The following BCHE variants were observed in gnomAD, a reference collection of about 807,000 sequenced individuals.
BCHE encodes the protein butyrylcholinesterase, also known as cholinesterase.
BCHE carries 48 observed loss-of-function variants against 51.3 expected under a neutral mutation model. That is an observed-to-expected ratio of 0.94 (90% CI 0.74 to 1.19). The LOEUF is 1.19. Ranked by LOEUF, BCHE falls within the 50% of genes most tolerant of loss-of-function variation. BCHE has a pLI of 0.00. For missense variants in BCHE, 847 were observed against 708.2 expected (o/e 1.20, Z -2.23); for synonymous variants, 251 against 238.0 (o/e 1.05, Z -0.50).
chr3:165,781,710 A>C lies in BCHE; in HGVS notation c.1684+4435T>G, dbSNP rs1451641797. 3.3e-5 allele frequency among the ~76,000 whole-genome samples: 5 copies of C among 152,216 alleles called. No individual in the cohort carries two copies. The East Asian group carries it at 7.7e-4, about 24-fold the overall frequency. On this transcript the variant is annotated intron_variant, in intron 3 of 3. Transcript: ENST00000264381. Reference sequence around the variant, plus strand: ...CGCCATGACACACGTATACCTATGTAACAAACCTGCACGTTCTACACATGT... The same window carrying C: ...CGCCATGACACACGTATACCTATGTCACAAACCTGCACGTTCTACACATGT...
At chr3:165,804,606 A>T (rs1025803889) in intron 2 of BCHE, among the ~76,000 whole-genome samples, 1 of 152,084 alleles carries the variant, frequency 6.6e-6, no homozygotes, top group African/African-American at 2.4e-5. Context: ...TGATTTTGCG[A>T]TCTGATTAAT....
intron 2 of BCHE, among the ~76,000 whole-genome samples, chr3:165,825,836 CA>C (rs1405528964): frequency 6.6e-6 from 1 of 151,968 alleles, no homozygotes; most frequent in Non-Finnish European, 1.5e-5. Flanking sequence ...TAAAAATTGG[CA>C]AAAGACTTAA....
chr3:165,786,224 T>A lies in BCHE; in HGVS notation c.1605A>T (p.Ser535=). Residue 535 remains serine, a synonymous_variant, in exon 3 of 4, where the codon TCA becomes TCT. Transcript: ENST00000264381. The stretch of plus-strand genomic sequence containing the variant: ...CACGTAGTTTCGTCATTATTCTTGT[T>A]GACTCTGTATTCAAGGTTAGATATT... ...EQKYLTLNTE[S]TRIMTKLRAQ... is the part of the protein sequence containing the mutation. 6.2e-7 allele frequency: 1 copy of A among 1,612,326 alleles called. No individual in the cohort carries two copies. Among genetic ancestry groups the A allele is most frequent in the Non-Finnish European group, 8.5e-7 (1 of 1,178,752 alleles).
At chr3:165,817,507 T>G (rs1191617624) in intron 2 of BCHE, among the ~76,000 whole-genome samples, 1 of 152,078 alleles carries the variant, frequency 6.6e-6, no homozygotes, top group East Asian at 1.9e-4. Flanking sequence ...TCACTTCCCC[T>G]TCACATACCT....
intron 2 of BCHE, among the ~76,000 whole-genome samples, chr3:165,789,031 A>G (rs1713068458): frequency 1.3e-5 from 2 of 152,104 alleles, no homozygotes; most frequent in Admixed American, 1.3e-4. Flanking sequence ...ATTCCAAAAC[A>G]CTACATATTT....
At chr3:165,794,178 C>T (rs536525210) in intron 2 of BCHE, among the ~76,000 whole-genome samples, 18 of 151,940 alleles carry the variant, frequency 1.2e-4, no homozygotes, top group African/African-American at 4.1e-4. Context: ...AATATTAATC[C>T]GTGAATGCAT....
intron 2 of BCHE, among the ~76,000 whole-genome samples, chr3:165,793,763 A>G (rs888815557): frequency 5.9e-5 from 9 of 152,190 alleles, no homozygotes; most frequent in African/African-American, 1.4e-4. Flanking sequence ...CTCACGTGCA[A>G]ACCATTTTTT....
rs1159731976 is a variant in BCHE at position 165,830,945 on chromosome 3, T to C, written c.89A>G (p.Asp30Gly). 7 of 1,613,732 alleles carry C rather than the reference T, an allele frequency of 4.3e-6. No homozygotes were observed. The highest frequency in any genetic ancestry group is 5.9e-6 in the Non-Finnish European group (7 of 1,179,898). ...ATTCTTTGTTGCAATTATGATGTCA[T>C]CTTCAGTATGTGACTTCCCAATAAG... ...CMLIGKSHTEDDIIIATKNGK... is the reference protein window; with the variant it reads ...CMLIGKSHTEGDIIIATKNGK... The change falls in exon 2 of 4, where the codon GAT (aspartate) becomes GGT (glycine). Residue 30 changes from aspartate (D) to glycine (G), a missense_variant. Asp to Gly is a moderately conservative substitution (Grantham distance 94). Transcript: ENST00000264381.
chr3:165,774,275 A>C (rs1712380763), intron 3 of BCHE, among the ~76,000 whole-genome samples: 2 of 152,054 alleles, frequency 1.3e-5, no homozygotes, highest in African/African-American at 4.8e-5. Flanking sequence ...CATAAGGATA[A>C]CTTTTTAATT....
intron 2 of BCHE, among the ~76,000 whole-genome samples, chr3:165,794,850 T>TATAAAATTTTATTTTATATTATAAC (rs1713309153): frequency 6.6e-6 from 1 of 152,126 alleles, no homozygotes; most frequent in Admixed American, 6.6e-5. Context: ...ATATCATTTA[T>TATAAAATTTTATTTTATATTATAAC]ATAAAATTTT....
At chr3:165,793,758 G>A (rs562526097) in intron 2 of BCHE, among the ~76,000 whole-genome samples, 23 of 152,202 alleles carry the variant, frequency 1.5e-4, no homozygotes, top group South Asian at 8.3e-4. Context: ...AGTGTCTCAC[G>A]TGCAAACCAT....
At chr3:165,788,840 A>G (rs1035776432) in intron 2 of BCHE, among the ~76,000 whole-genome samples, 1 of 152,154 alleles carries the variant, frequency 6.6e-6, no homozygotes, top group Non-Finnish European at 1.5e-5. Context: ...TTTAGAGATA[A>G]TAAGATTCCT....
chr3:165,826,514 G>C (rs2048493), intron 2 of BCHE, among the ~76,000 whole-genome samples: 82,653 of 151,602 alleles, frequency 0.55, 24,595 homozygotes, highest in East Asian at 0.67. Context: ...GCAAAGAGGT[G>C]GGGGGGGACT....
chr3:165,828,548 G>A (rs534317945), intron 2 of BCHE, among the ~76,000 whole-genome samples: 29 of 152,116 alleles, frequency 1.9e-4, no homozygotes, highest in African/African-American at 6.7e-4. Flanking sequence ...TGTAACTATC[G>A]GCATTTTGTT....
At chr3:165,826,013 T>A (rs1714708676) in intron 2 of BCHE, among the ~76,000 whole-genome samples, 1 of 152,094 alleles carries the variant, frequency 6.6e-6, no homozygotes, top group Non-Finnish European at 1.5e-5. Context: ...ATGCTGAAGA[T>A]GTGAAACAAG....
chr3:165,802,345 A>G (rs1713684663), intron 2 of BCHE, among the ~76,000 whole-genome samples: 1 of 152,224 alleles, frequency 6.6e-6, no homozygotes, highest in Non-Finnish European at 1.5e-5. Context: ...TATTCAAGAT[A>G]AAATTAAAAA....
chr3:165,783,653 CT>C (rs920841378), intron 3 of BCHE, among the ~76,000 whole-genome samples: 4 of 152,100 alleles, frequency 2.6e-5, no homozygotes, highest in South Asian at 4.1e-4. Context: ...TTGGATCTAA[CT>C]TTTTTTCTTC....
intron 2 of BCHE, among the ~76,000 whole-genome samples, chr3:165,808,364 T>C (rs1713950208): frequency 6.6e-6 from 1 of 152,030 alleles, no homozygotes; most frequent in Non-Finnish European, 1.5e-5. Context: ...TGATGGAAAA[T>C]AGATTTCAAG....
chr3:165,816,631 A>G (rs1714322476), intron 2 of BCHE, among the ~76,000 whole-genome samples: 1 of 151,964 alleles, frequency 6.6e-6, no homozygotes, highest in Non-Finnish European at 1.5e-5. Context: ...CAAACCCACA[A>G]TCATACACAA....
Sources: allele counts gnomAD v4.1 joint callset (sites outside exome capture counted in the v4.1 genomes callset), GRCh38; gene constraint gnomAD v4.1.1; transcripts MANE v1.5; gene names NCBI Gene and HGNC (gene_info 2026-07-23, HGNC 2026-07-21).